ARHGEF3: variants seen among roughly 807,000 people sequenced by gnomAD.
The protein encoded by ARHGEF3 is Rho guanine nucleotide exchange factor 3.
Under a neutral mutation model 63.2 loss-of-function variants are expected in ARHGEF3, and 28 were observed. The ratio of observed to expected loss-of-function variants is 0.44; its 90% CI spans 0.33 to 0.61. ARHGEF3 has a LOEUF of 0.61. Ranked by LOEUF, ARHGEF3 falls within the 20% of genes least tolerant of loss-of-function variation. The pLI is 0.03. For synonymous variants in ARHGEF3, 266 were observed against 254.2 expected, an observed-to-expected ratio of 1.05 and a Z score of -0.44; for missense variants, 533 against 659.3, an observed-to-expected ratio of 0.81 and a Z score of 2.10.
chr3:56,886,256 G>A (rs778944001), intron 3 of ARHGEF3, among the ~76,000 whole-genome samples: 1 of 152,210 alleles, frequency 6.6e-6, no homozygotes, highest in Non-Finnish European at 1.5e-5. Flanking sequence ...CAGTCCCAGA[G>A]CCTGGGACAA....
chr3:56,931,603 G>T (rs1453720887), intron 3 of ARHGEF3, among the ~76,000 whole-genome samples: 1 of 90,650 alleles, frequency 1.1e-5, no homozygotes, highest in Non-Finnish European at 2.3e-5. Flanking sequence ...AAAAAAAAAA[G>T]CCACATATCT....
intron 3 of ARHGEF3, among the ~76,000 whole-genome samples, chr3:56,953,345 G>A (rs1476604450): frequency 6.6e-6 from 1 of 152,232 alleles, no homozygotes; most frequent in Admixed American, 6.5e-5. Flanking sequence ...TATACACGGA[G>A]AATGGAATGG....
At chr3:56,775,022 T>C (rs1007733183) in intron 1 of ARHGEF3, 20 of 1,547,248 alleles carry the variant, frequency 1.3e-5, no homozygotes, top group South Asian at 6.0e-5. Context: ...AAGCTCCATC[T>C]GACCTGTAGT....
intron 4 of ARHGEF3, among the ~76,000 whole-genome samples, chr3:56,835,319 G>T (rs920937340): frequency 2.6e-5 from 4 of 152,004 alleles, no homozygotes; most frequent in African/African-American, 9.7e-5. Context: ...GGGATTACAG[G>T]CACGTACCAC....
At chr3:56,959,716 G>A (rs1347581308) in intron 2 of ARHGEF3, among the ~76,000 whole-genome samples, 5 of 152,140 alleles carry the variant, frequency 3.3e-5, no homozygotes, top group Non-Finnish European at 5.9e-5. Context: ...GGTGGCTCAC[G>A]TCTGTAATCC....
intron 3 of ARHGEF3, among the ~76,000 whole-genome samples, chr3:56,932,870 A>G (rs1426537897): frequency 6.6e-6 from 1 of 152,210 alleles, no homozygotes; most frequent in African/African-American, 2.4e-5. Flanking sequence ...TGCTGAGGTC[A>G]ATGATTTCAA....
At chr3:57,024,809 T>C (rs558440506) in intron 2 of ARHGEF3, among the ~76,000 whole-genome samples, 1 of 152,338 alleles carries the variant, frequency 6.6e-6, no homozygotes, top group South Asian at 2.1e-4. Flanking sequence ...TTATTACAAA[T>C]GCTTATCCTT....
chr3:56,994,724 C>T (rs1310307397), intron 2 of ARHGEF3, among the ~76,000 whole-genome samples: 1 of 152,162 alleles, frequency 6.6e-6, no homozygotes, highest in Non-Finnish European at 1.5e-5. Context: ...TTCCCACACT[C>T]CCCCGAATCC....
At chr3:56,838,232 G>T (rs560990832) in intron 4 of ARHGEF3, among the ~76,000 whole-genome samples, 1 of 152,136 alleles carries the variant, frequency 6.6e-6, no homozygotes, top group South Asian at 2.1e-4. Context: ...AATACTGTGG[G>T]GGGGAATAAT....
chr3:56,836,871 G>C (rs1426755604), intron 4 of ARHGEF3, among the ~76,000 whole-genome samples: 1 of 152,160 alleles, frequency 6.6e-6, no homozygotes, highest in Non-Finnish European at 1.5e-5. Flanking sequence ...AGGCTGCAGT[G>C]AGCCGTGATT....
chr3:56,920,582 T>G (rs1178620185), intron 3 of ARHGEF3, among the ~76,000 whole-genome samples: 3 of 152,236 alleles, frequency 2.0e-5, no homozygotes, highest in Admixed American at 2.0e-4. Context: ...CGATGATTCT[T>G]TCCATTTGAA....
intron 4 of ARHGEF3, among the ~76,000 whole-genome samples, chr3:56,858,519 C>T (rs1044785220): frequency 2.0e-5 from 3 of 152,198 alleles, no homozygotes; most frequent in Admixed American, 6.5e-5. Flanking sequence ...CAGTCCCTGT[C>T]TGTGCTTGTG....
intron 9 of ARHGEF3, chr3:56,731,932 A>C: frequency 1.8e-6 from 1 of 559,992 alleles, no homozygotes; most frequent in South Asian, 2.3e-5. Context: ...GTTTTTATCC[A>C]ATGGAAAAAG....
rs760916208 is a variant in ARHGEF3, at chr3:56,755,104, G to T, written c.252C>A (p.Pro84=). ...GGGCGGCATTTCTGGACCAGGGTCGGGGGGCGAGGATGTCAGGGCGGCTCT... is the reference window on the plus strand; with the variant it reads ...GGGCGGCATTTCTGGACCAGGGTCGTGGGGCGAGGATGTCAGGGCGGCTCT... ...RSESRPDILA[P]RPWSRNAAPS... Residue 84 remains proline, a synonymous_variant, in exon 3 of 10, where the codon CCC becomes CCA. Transcript: ENST00000296315. The T allele has an allele frequency of 6.8e-6, 11 of 1,613,932 alleles. No homozygotes were observed. Among genetic ancestry groups the T allele is most frequent in the African/African-American group, 5.3e-5 (4 of 74,932 alleles).
chr3:56,931,817 A>G lies in ARHGEF3; in HGVS notation c.129+27006T>C, dbSNP rs186032416. Among the ~76,000 whole-genome samples the G allele has an allele frequency of 6.9e-4, 105 of 152,220 alleles. 1 individual carries two copies. The Middle Eastern group carries it at 0.041, about 59-fold the overall frequency. The stretch of plus-strand genomic sequence containing the variant: ...GGCACCACCATTCAGCTACCTATTA[A>G]TTCCTTGGAATATGAATCTTTTGGT... On this transcript the variant is annotated intron_variant, in intron 3 of 12. Transcript: ENST00000338458.
intron 1 of ARHGEF3, among the ~76,000 whole-genome samples, chr3:56,798,945 C>A (rs930919999): frequency 2.6e-5 from 4 of 152,052 alleles, no homozygotes; most frequent in African/African-American, 9.7e-5. Context: ...TAAGAAATAG[C>A]AGATTAAGAG....
chr3:57,055,162 G>GTTTTTTTTT (rs1560165562), intron 1 of ARHGEF3, among the ~76,000 whole-genome samples: 2 of 139,800 alleles, frequency 1.4e-5, no homozygotes, highest in African/African-American at 5.4e-5. Context: ...TTCTCTTTAT[G>GTTTTTTTTT]CTTTTTTTTT....
chr3:56,749,219 AT>A (rs555272817), intron 6 of ARHGEF3, among the ~76,000 whole-genome samples: 58 of 152,290 alleles, frequency 3.8e-4, no homozygotes, highest in Admixed American at 1.8e-3. Flanking sequence ...TCCTCATTTG[AT>A]GTCTGAAGCA....
chr3:56,957,913 A>T (rs577941798), intron 3 of ARHGEF3, among the ~76,000 whole-genome samples: 3 of 152,164 alleles, frequency 2.0e-5, no homozygotes, highest in Non-Finnish European at 2.9e-5. Context: ...ACCTCCATAC[A>T]CTGTGGCTAT....
Sources: gnomAD v4.1 joint callset for allele counts (sites outside exome capture counted in the v4.1 genomes callset) on GRCh38, gnomAD v4.1.1 for gene constraint, MANE v1.5 for transcripts, NCBI Gene and HGNC (gene_info 2026-07-23, HGNC 2026-07-21) for gene names.